The following RNGTT variants were observed in gnomAD, a reference collection of about 807,000 sequenced individuals.
The protein encoded by RNGTT is RNA guanylyltransferase and 5'-phosphatase, also known as mRNA-capping enzyme.
In RNGTT, 33 loss-of-function variants were observed where a neutral mutation model predicts 79.3. The observed-to-expected ratio is 0.42, with a 90% CI of 0.32 to 0.56. The LOEUF (loss-of-function observed/expected upper bound fraction) is 0.56, where lower values mean the gene tolerates loss of function less well. RNGTT is among the 20% of genes least tolerant of loss of function. The probability of loss-of-function intolerance (pLI) is 0.17; values close to 1 mark genes in which losing one functional copy is unlikely to be tolerated. For missense variants in RNGTT, 497 were observed against 739.1 expected (o/e 0.67, Z 3.80); for synonymous variants, 222 against 235.9 (o/e 0.94, Z 0.54).
intron 8 of RNGTT, among the ~76,000 whole-genome samples, chr6:88,866,702 CT>C (rs1453749785): frequency 6.6e-6 from 1 of 152,104 alleles, no homozygotes; most frequent in Non-Finnish European, 1.5e-5. Flanking sequence ...TTCTTCAAAT[CT>C]TCAAAAGCAA....
At chr6:88,848,722 C>T (rs1781569529) in intron 10 of RNGTT, among the ~76,000 whole-genome samples, 1 of 151,952 alleles carries the variant, frequency 6.6e-6, no homozygotes, top group East Asian at 1.9e-4. Flanking sequence ...ACAATAAACA[C>T]ACCAAATTCA....
intron 1 of RNGTT, among the ~76,000 whole-genome samples, chr6:88,951,963 A>C (rs967407873): frequency 4.1e-4 from 62 of 152,178 alleles, no homozygotes; most frequent in African/African-American, 1.4e-3. Flanking sequence ...AGATATGAGC[A>C]CAAAAGCTGC....
intron 13 of RNGTT, among the ~76,000 whole-genome samples, chr6:88,718,770 C>T (rs1776608477): frequency 6.6e-6 from 1 of 151,998 alleles, no homozygotes; most frequent in Non-Finnish European, 1.5e-5. Context: ...AACTCTTTTG[C>T]TATCTTCCAA....
rs189492573 is a variant in RNGTT, at chr6:88,933,778, T to C, written c.175-4511A>G. Among the ~76,000 whole-genome samples, 424 of 152,368 alleles carry C rather than the reference T, an allele frequency of 2.8e-3. 4 individuals carry two copies. Among genetic ancestry groups the C allele is most frequent in the Admixed American group, 4.6e-3 (70 of 15,300 alleles). On this transcript the variant is annotated intron_variant, in intron 2 of 15. Transcript: ENST00000369485. ...TTCTTCATGGCTGCATAGTATTCCA[T>C]TGTGTATATATGCCACATTTTCTTT...
intron 13 of RNGTT, among the ~76,000 whole-genome samples, chr6:88,704,022 G>A (rs1776034266): frequency 6.6e-6 from 1 of 152,136 alleles, no homozygotes; most frequent in African/African-American, 2.4e-5. Context: ...CACTTTGGGA[G>A]GCTTAGGCGG....
intron 14 of RNGTT, among the ~76,000 whole-genome samples, chr6:88,637,448 A>C (rs1020496913): frequency 6.6e-6 from 1 of 152,100 alleles, no homozygotes; most frequent in Non-Finnish European, 1.5e-5. Flanking sequence ...CTAAAACCAA[A>C]GTAAAACATG....
chr6:88,883,883 A>C (rs1424306971), intron 8 of RNGTT, among the ~76,000 whole-genome samples: 1 of 152,226 alleles, frequency 6.6e-6, no homozygotes, highest in Non-Finnish European at 1.5e-5. Context: ...ATTCACAAAA[A>C]AGATAAGTAT....
chr6:88,868,648 G>T (rs1782254488), intron 8 of RNGTT, among the ~76,000 whole-genome samples: 3 of 151,952 alleles, frequency 2.0e-5, no homozygotes, highest in Non-Finnish European at 4.4e-5. Context: ...ATTAGATTTT[G>T]ACCTATTTTA....
chr6:88,949,757 G>A (rs936400913), intron 1 of RNGTT, among the ~76,000 whole-genome samples: 3 of 152,160 alleles, frequency 2.0e-5, no homozygotes, highest in Non-Finnish European at 2.9e-5. Flanking sequence ...GATTCACAAG[G>A]TTTAAGGAAA....
intron 1 of RNGTT, among the ~76,000 whole-genome samples, chr6:88,949,422 C>T (rs558289223): frequency 4.0e-5 from 6 of 151,822 alleles, no homozygotes; most frequent in South Asian, 2.1e-4. Flanking sequence ...CCACCATGCC[C>T]GGCTAATTTT....
chr6:88,945,405 T>C (rs1036736016), intron 1 of RNGTT, among the ~76,000 whole-genome samples: 5 of 152,246 alleles, frequency 3.3e-5, no homozygotes, highest in Admixed American at 2.6e-4. Flanking sequence ...CAGCATTTCA[T>C]GTATCTGACA....
Position 88,613,493 on chromosome 6 carries a change from G to A in RNGTT, c.1631-611C>T, listed in dbSNP as rs1772108964. Among the ~76,000 whole-genome samples the A allele has an allele frequency of 4.6e-5, 7 of 152,206 alleles. No homozygotes were observed. In the South Asian group the frequency reaches 1.4e-3, roughly 32 times the overall value. ...TCTGAACATGGATGCTAGTTCCAAT[G>A]AGAACTCCTAAATGTACAACAGTAA... On this transcript the variant is annotated intron_variant, in intron 15 of 15. Coordinates refer to ENST00000369485, the MANE Select transcript of RNGTT (RefSeq NM_003800.5).
chr6:88,696,760 T>G (rs1322118754), intron 13 of RNGTT, among the ~76,000 whole-genome samples: 1 of 152,160 alleles, frequency 6.6e-6, no homozygotes, highest in Non-Finnish European at 1.5e-5. Flanking sequence ...TTTTTTATAC[T>G]TCAGACAAGT....
At chr6:88,917,812 A>G (rs764406335) in intron 4 of RNGTT, among the ~76,000 whole-genome samples, 3 of 152,152 alleles carry the variant, frequency 2.0e-5, no homozygotes, top group Non-Finnish European at 4.4e-5. Context: ...GCGTGAGCCC[A>G]GGAGGCAGAG....
chr6:88,962,156 G>T (rs1434385385), intron 1 of RNGTT, among the ~76,000 whole-genome samples: 1 of 152,180 alleles, frequency 6.6e-6, no homozygotes, highest in Non-Finnish European at 1.5e-5. Flanking sequence ...ATCAGTGGCT[G>T]CCAGGCGAAG....
chr6:88,627,543 G>A (rs1328281049), intron 14 of RNGTT, among the ~76,000 whole-genome samples: 1 of 152,094 alleles, frequency 6.6e-6, no homozygotes, highest in Admixed American at 6.6e-5. Context: ...CAAGAGAACT[G>A]TCCTCTGGAT....
intron 8 of RNGTT, among the ~76,000 whole-genome samples, chr6:88,861,288 C>A (rs761919547): frequency 6.6e-6 from 1 of 152,086 alleles, no homozygotes; most frequent in Non-Finnish European, 1.5e-5. Flanking sequence ...AATATATAAA[C>A]CTTCCTCACA....
In RNGTT at chr6:88,610,090, C is replaced by T. The variant is rs1184982809; in HGVS notation, c.*2629G>A. Among the ~76,000 whole-genome samples, 7 of 152,166 alleles carry T rather than the reference C, an allele frequency of 4.6e-5. No homozygotes were observed. The highest frequency in any genetic ancestry group is 1.9e-4 in the East Asian group (1 of 5,202). On this transcript the variant is annotated 3_prime_UTR_variant, in exon 16 of 16. Transcript: ENST00000369485. ...AAATAAAAGGTTCAAACTACACCCCCCTGTGTCAATCAAATTTCTCAGTTT... is the reference window on the plus strand; with the variant it reads ...AAATAAAAGGTTCAAACTACACCCCTCTGTGTCAATCAAATTTCTCAGTTT...
chr6:88,865,399 T>C (rs912198963), intron 8 of RNGTT, among the ~76,000 whole-genome samples: 3 of 151,988 alleles, frequency 2.0e-5, no homozygotes, highest in Admixed American at 6.6e-5. Context: ...AAGAACCCTA[T>C]AAACAGGAAA....
Sources: allele counts gnomAD v4.1 joint callset (sites outside exome capture counted in the v4.1 genomes callset), GRCh38; gene constraint gnomAD v4.1.1; transcripts MANE v1.5; gene names NCBI Gene and HGNC (gene_info 2026-07-23, HGNC 2026-07-21).